The following CADPS2 variants were observed in gnomAD, a reference collection of about 807,000 sequenced individuals.
CADPS2 encodes the protein calcium-dependent secretion activator 2.
CADPS2 carries 93 observed loss-of-function variants against 172.5 expected under a neutral mutation model. The ratio of observed to expected loss-of-function variants is 0.54; its 90% CI spans 0.46 to 0.64. CADPS2 has a LOEUF of 0.64. CADPS2 is among the 30% of genes least tolerant of loss of function. The pLI is 0.00. For synonymous variants in CADPS2, 546 were observed against 555.2 expected (o/e 0.98, Z 0.23); for missense variants, 1,420 against 1,565.9 (o/e 0.91, Z 1.57).
intron 6 of CADPS2, among the ~76,000 whole-genome samples, chr7:122,591,617 T>C (rs1341535905): frequency 6.6e-6 from 1 of 152,150 alleles, no homozygotes; most frequent in Non-Finnish European, 1.5e-5. Context: ...CAAAACAGCA[T>C]GGTGCTGGTA....
chr7:122,583,742 C>T (rs1214885537), intron 6 of CADPS2, among the ~76,000 whole-genome samples: 2 of 151,126 alleles, frequency 1.3e-5, no homozygotes, highest in African/African-American at 2.4e-5. Context: ...AACAGACATC[C>T]TAACACACAT....
intron 17 of CADPS2, among the ~76,000 whole-genome samples, chr7:122,417,311 C>T (rs1255748790): frequency 6.6e-6 from 1 of 152,172 alleles, no homozygotes; most frequent in Non-Finnish European, 1.5e-5. Flanking sequence ...TCACATCCCT[C>T]AACCCTCAAG....
At chr7:122,373,404 T>A (rs1253153086) in intron 25 of CADPS2, among the ~76,000 whole-genome samples, 1 of 152,194 alleles carries the variant, frequency 6.6e-6, no homozygotes. Context: ...GGTAATTTTT[T>A]TGTGTATGTG....
chr7:122,427,988 T>C (rs2049383853), intron 17 of CADPS2, among the ~76,000 whole-genome samples: 1 of 152,170 alleles, frequency 6.6e-6, no homozygotes, highest in African/African-American at 2.4e-5. Context: ...AAGTTTCGCA[T>C]GTTTTTATCA....
At chr7:122,753,476 A>G (rs774375078) in intron 1 of CADPS2, among the ~76,000 whole-genome samples, 1 of 152,194 alleles carries the variant, frequency 6.6e-6, no homozygotes, top group Non-Finnish European at 1.5e-5. Flanking sequence ...TTTATTGAGA[A>G]CCTACTACAT....
At chr7:122,527,580 AAT>A (rs1369371012) in intron 8 of CADPS2, among the ~76,000 whole-genome samples, 2,305 of 84,408 alleles carry the variant, frequency 0.027, 40 homozygotes, top group African/African-American at 0.058. Flanking sequence ...GATAATACTG[AAT>A]AGAGAGAGAG....
At chr7:122,709,801 G>T (rs1413413978) in intron 2 of CADPS2, among the ~76,000 whole-genome samples, 5 of 151,760 alleles carry the variant, frequency 3.3e-5, no homozygotes, top group South Asian at 2.1e-4. Flanking sequence ...GTAAACTATC[G>T]CAAGGACAAA....
chr7:122,409,895 A>G (rs2047096601), intron 19 of CADPS2, among the ~76,000 whole-genome samples: 1 of 152,214 alleles, frequency 6.6e-6, no homozygotes, highest in Non-Finnish European at 1.5e-5. Context: ...ACAGGGTACT[A>G]AACAGAAGTC....
At chr7:122,615,126 G>T (rs2074753566) in intron 6 of CADPS2, 55 bp downstream of exon 6, 19 of 1,036,834 alleles carry the variant, frequency 1.8e-5, no homozygotes, top group Non-Finnish European at 2.7e-5. Flanking sequence ...ATGTTTCTTT[G>T]GGAGGATTAA....
At chr7:122,601,198 A>G (rs2072717631) in intron 6 of CADPS2, among the ~76,000 whole-genome samples, 1 of 151,990 alleles carries the variant, frequency 6.6e-6, no homozygotes, top group Admixed American at 6.6e-5. Flanking sequence ...ATTTTTTTTC[A>G]CACTCAAATA....
rs529558979 is a variant in CADPS2 at position 122,729,798 on chromosome 7, A to G, written c.453+7157T>C. On this transcript the variant is annotated intron_variant, in intron 2 of 29. Transcript: ENST00000449022. ...GTTCCAAAGCAATGGCATGAGTTGC[A>G]CCAACATAATCAGCTCTTGAGGAGA... Among the ~76,000 whole-genome samples, 3 of 150,100 alleles carry G rather than the reference A, an allele frequency of 2.0e-5. No homozygotes were observed. In the East Asian group the frequency reaches 5.9e-4, roughly 30 times the overall value.
At chr7:122,822,723 G>A (rs371818314) in intron 1 of CADPS2, among the ~76,000 whole-genome samples, 1 of 151,860 alleles carries the variant, frequency 6.6e-6, no homozygotes, top group African/African-American at 2.4e-5. Context: ...CTTGCCTTAA[G>A]TGATGACATT....
intron 3 of CADPS2, among the ~76,000 whole-genome samples, chr7:122,649,897 G>GTTTTTTTTTTTTTTTTTT (rs1588128117): frequency 2.2e-5 from 1 of 46,074 alleles, no homozygotes; most frequent in African/African-American, 7.8e-5. Flanking sequence ...AGTATTCAAT[G>GTTTTTTTTTTTTTTTTTT]ATTTTTTTTT....
intron 28 of CADPS2, among the ~76,000 whole-genome samples, chr7:122,340,409 T>A (rs77916743): frequency 0.027 from 4,153 of 152,266 alleles, 196 homozygotes; most frequent in African/African-American, 0.096. Flanking sequence ...CAGTGCCCAA[T>A]AAATGCACAA....
At chr7:122,373,113 T>C (rs2041962506) in intron 25 of CADPS2, among the ~76,000 whole-genome samples, 1 of 152,176 alleles carries the variant, frequency 6.6e-6, no homozygotes. Flanking sequence ...AGGTACTTCA[T>C]AACTCTTTTA....
intron 1 of CADPS2, among the ~76,000 whole-genome samples, chr7:122,853,880 G>A (rs779031412): frequency 4.5e-4 from 69 of 152,282 alleles, no homozygotes; most frequent in Non-Finnish European, 8.8e-4. Context: ...AAGCTTCAGC[G>A]CTTTGCAAGC....
In CADPS2 at chr7:122,602,655, C is replaced by G. The variant is rs539894957; in HGVS notation, c.1223+12526G>C. Among the ~76,000 whole-genome samples the G allele has an allele frequency of 2.0e-5, 3 of 152,112 alleles. No homozygotes were observed. The South Asian group carries it at 6.2e-4, about 32-fold the overall frequency. On this transcript the variant is annotated intron_variant, in intron 6 of 29. Coordinates refer to ENST00000449022, the MANE Select transcript of CADPS2 (RefSeq NM_017954.11). ...CAGTATGGCATTTTTGGCTCCCACT[C>G]TGCTTGGATCTCCAGTTCACTGAGG...
intron 13 of CADPS2, among the ~76,000 whole-genome samples, chr7:122,472,512 A>T (rs1220046953): frequency 6.6e-6 from 1 of 152,180 alleles, no homozygotes; most frequent in African/African-American, 2.4e-5. Context: ...ATTCACAGTC[A>T]TCTGCCTCCA....
intron 29 of CADPS2, among the ~76,000 whole-genome samples, chr7:122,320,674 TAAGA>T (rs1258337685): frequency 1.3e-5 from 2 of 152,208 alleles, no homozygotes; most frequent in African/African-American, 4.8e-5. Flanking sequence ...AAGTTTTTAA[TAAGA>T]AATTATTAGT....
Sources: allele counts gnomAD v4.1 joint callset (sites outside exome capture counted in the v4.1 genomes callset), GRCh38; gene constraint gnomAD v4.1.1; transcripts MANE v1.5; gene names NCBI Gene and HGNC (gene_info 2026-07-23, HGNC 2026-07-21).